The following WFS1 variants were observed in gnomAD, a reference collection of about 807,000 sequenced individuals.
WFS1 encodes the protein wolframin ER transmembrane glycoprotein.
WFS1 carries 90 observed loss-of-function variants against 68.5 expected under a neutral mutation model. The observed-to-expected ratio is 1.31, with a 90% CI of 1.11 to 1.56. The LOEUF (loss-of-function observed/expected upper bound fraction) is 1.56, where lower values mean the gene tolerates loss of function less well. Ranked by LOEUF, WFS1 falls within the 40% of genes most tolerant of loss-of-function variation. The pLI, the probability that WFS1 is intolerant of heterozygous loss-of-function variation, is 0.00. For synonymous variants in WFS1, 860 were observed against 540.7 expected (o/e 1.59, Z -8.19); for missense variants, 1,767 against 1,232.6 (o/e 1.43, Z -6.49).
rs752306040 is a variant in WFS1 at position 6,300,738 on chromosome 4, C to G, written c.943C>G (p.Leu315Val). 4.3e-6 allele frequency: 7 copies of G among 1,613,958 alleles called. No individual in the cohort carries two copies. Among genetic ancestry groups the G allele is most frequent in the East Asian group, 2.2e-5 (1 of 44,876 alleles). Reference protein sequence around the residue: ...DMASRAGMHWLSTIIPTHHIN... With the variant: ...DMASRAGMHWVSTIIPTHHIN... ...GGCCTCCAGGGCAGGCATGCACTGG[C>G]TGTCCACCATCATCCCCACGCACCA... The change falls in exon 8 of 8, where the codon CTG becomes GTG. Residue 315 changes from leucine (L) to valine (V), a missense_variant. Leu to Val is a conservative substitution (Grantham distance 32). Coordinates refer to ENST00000226760, the MANE Select transcript of WFS1 (RefSeq NM_006005.3).
Position 6,301,245 on chromosome 4 carries a change from C to T in WFS1, c.1450C>T (p.Leu484Phe), listed in dbSNP as rs1239328153. Reference sequence around the variant, plus strand: ...CTTGAATTGGCCCTACCTGAAGGTCCTTGGCCAGACCTTCATCACCGTGCC... The same window carrying T: ...CTTGAATTGGCCCTACCTGAAGGTCTTTGGCCAGACCTTCATCACCGTGCC... ...MPLNWPYLKVLGQTFITVPVG... is the reference protein window; with the variant it reads ...MPLNWPYLKVFGQTFITVPVG... Residue 484 changes from leucine to phenylalanine, a missense_variant, in exon 8 of 8, where the codon CTT (leucine) becomes TTT (phenylalanine). Coordinates refer to ENST00000226760, the MANE Select transcript of WFS1 (RefSeq NM_006005.3). 2 of 1,611,560 alleles carry T rather than the reference C, an allele frequency of 1.2e-6. No homozygotes were observed. The highest frequency in any genetic ancestry group is 2.2e-5 in the South Asian group (2 of 91,084).
At chr4:6,297,014 G>A (rs568642292) in intron 7 of WFS1, among the ~76,000 whole-genome samples, 1 of 152,240 alleles carries the variant, frequency 6.6e-6, no homozygotes, top group African/African-American at 2.4e-5. Flanking sequence ...ATTTTGTAGC[G>A]ATGGGGGTCT....
intron 6 of WFS1, among the ~76,000 whole-genome samples, chr4:6,293,718 G>C (rs1458303398): frequency 1.3e-5 from 2 of 152,186 alleles, no homozygotes; most frequent in Admixed American, 1.3e-4. Context: ...CCTGCCCAAG[G>C]TATTCATCCC....
In WFS1 at chr4:6,301,309, GCCTGCTCTATGTCTA is replaced by G. The variant is rs781262017; in HGVS notation, c.1525_1539del (p.Val509_Tyr513del). 1.5e-5 allele frequency: 24 copies of G among 1,611,424 alleles called. No homozygotes were observed. The highest frequency in any genetic ancestry group is 1.0e-4 in the Admixed American group (6 of 60,024). On this transcript the variant is annotated inframe_deletion, in exon 8 of 8. Transcript: ENST00000226760. ...GTCGTCCTCAACGTCAGCGTCCCGTGCCTGCTCTATGTCTACCTGCTCTATCTCTTCTTCCGCATG... is the reference window on the plus strand; with the variant it reads ...GTCGTCCTCAACGTCAGCGTCCCGTGCCTGCTCTATCTCTTCTTCCGCATG...
rs1368710970 is a variant in WFS1, at chr4:6,302,282, G to A, written c.2487G>A (p.Leu829=). ...QGSLIEFSTI[L]EGRLGSKWPV... ...GCCTCATCGAGTTCAGCACCATCCTGGAGGGCCGCCTGGGCAGCAAGTGGC... is the reference window on the plus strand; with the variant it reads ...GCCTCATCGAGTTCAGCACCATCCTAGAGGGCCGCCTGGGCAGCAAGTGGC... The change falls in exon 8 of 8, where the codon CTG becomes CTA. Residue 829 remains leucine (L), a synonymous_variant. Coordinates refer to ENST00000226760, the MANE Select transcript of WFS1 (RefSeq NM_006005.3). The A allele has an allele frequency of 6.2e-7, 1 of 1,605,830 alleles. No homozygotes were observed. The highest frequency in any genetic ancestry group is 2.2e-5 in the East Asian group (1 of 44,670).
Position 6,287,068 on chromosome 4 carries a change from T to A in WFS1, c.233-25T>A, listed in dbSNP as rs1186931287. On this transcript the variant is annotated intron_variant, in intron 2 of 7. Coordinates refer to ENST00000226760, the MANE Select transcript of WFS1 (RefSeq NM_006005.3). The surrounding 1 kb of genome is among the most constrained non-coding windows in gnomAD (Gnocchi z 6.4). Reference sequence around the variant, plus strand: ...TGACAAAGTCTGGCTTTGTGACATGTGTGTTTGTTTCTTCTGTGTTAAAGG... The same window carrying A: ...TGACAAAGTCTGGCTTTGTGACATGAGTGTTTGTTTCTTCTGTGTTAAAGG... 3.9e-6 allele frequency: 6 copies of A among 1,547,558 alleles called. No homozygotes were observed. Among genetic ancestry groups the A allele is most frequent in the Non-Finnish European group, 5.3e-6 (6 of 1,142,468 alleles).
Position 6,287,637 on chromosome 4 carries a change from G to A in WFS1, c.315+462G>A, listed in dbSNP as rs1730351294. On this transcript the variant is annotated intron_variant, in intron 3 of 7. Transcript: ENST00000226760. This position sits in a 1 kb window ranked among gnomAD's most constrained non-coding sequence, Gnocchi z 6.4. ...TGTGCCAGTGCTGGGGACATGATGT[G>A]GCCCTCTCTTCATGGGTGACAGGTT... Among the ~76,000 whole-genome samples the A allele has an allele frequency of 6.6e-6, 1 of 152,184 alleles. No homozygotes were observed. Among genetic ancestry groups the A allele is most frequent in the South Asian group, 2.1e-4 (1 of 4,836 alleles).
At chr4:6,295,787 A>C (rs1730624147) in intron 7 of WFS1, among the ~76,000 whole-genome samples, 1 of 152,230 alleles carries the variant, frequency 6.6e-6, no homozygotes, top group Non-Finnish European at 1.5e-5. Flanking sequence ...CGGGAAGCCC[A>C]GCAGTGCGGG....
intron 7 of WFS1, among the ~76,000 whole-genome samples, chr4:6,298,042 T>C (rs571374433): frequency 1.3e-5 from 2 of 152,342 alleles, no homozygotes; most frequent in East Asian, 1.9e-4. Flanking sequence ...GGCAAAAGAA[T>C]GTGCATGGCT....
chr4:6,299,073 T>C (rs1289766046), intron 7 of WFS1, among the ~76,000 whole-genome samples: 1 of 152,234 alleles, frequency 6.6e-6, no homozygotes, highest in Non-Finnish European at 1.5e-5. Context: ...GAACCTGCTT[T>C]GTATGCCACG....
chr4:6,282,356 C>T (rs1033289253), intron 2 of WFS1, among the ~76,000 whole-genome samples: 1 of 152,212 alleles, frequency 6.6e-6, no homozygotes, highest in Non-Finnish European at 1.5e-5. Flanking sequence ...GGGATGATGA[C>T]AGCACACAGC....
In WFS1 at chr4:6,301,717, C is replaced by A. The variant is rs376626985; in HGVS notation, c.1922C>A (p.Thr641Lys). The A allele has an allele frequency of 9.3e-6, 15 of 1,613,940 alleles. No individual in the cohort carries two copies. Among genetic ancestry groups the A allele is most frequent in the Non-Finnish European group, 1.3e-5 (15 of 1,180,052 alleles). The change falls in exon 8 of 8, where the codon ACG (threonine) becomes AAG (lysine). Residue 641 changes from threonine to lysine, a missense_variant. By Grantham distance (78) the Thr-to-Lys change is moderately conservative. Transcript: ENST00000226760. Reference sequence around the variant, plus strand: ...GTCAAGCTCATCCTGGTGTGGCTCACGGCCATCGTGCTGTTCTGCTGGTTC... The same window carrying A: ...GTCAAGCTCATCCTGGTGTGGCTCAAGGCCATCGTGCTGTTCTGCTGGTTC... ...SMVKLILVWLTAIVLFCWFYV... is the reference protein window; with the variant it reads ...SMVKLILVWLKAIVLFCWFYV...
chr4:6,293,788 G>A (rs1295260567), intron 6 of WFS1, among the ~76,000 whole-genome samples: 2 of 152,214 alleles, frequency 1.3e-5, no homozygotes, highest in East Asian at 1.9e-4. Flanking sequence ...CTGTGCTCTG[G>A]TAGGGAGATG....
intron 2 of WFS1, among the ~76,000 whole-genome samples, chr4:6,285,629 CCTT>C (rs1420857450): frequency 2.6e-5 from 4 of 152,232 alleles, no homozygotes; most frequent in African/African-American, 9.6e-5. Context: ...TGGGTGTGAC[CCTT>C]CCTCTCTGCC....
intron 2 of WFS1, among the ~76,000 whole-genome samples, chr4:6,282,628 G>A (rs1730201185): frequency 6.6e-6 from 1 of 152,216 alleles, no homozygotes; most frequent in Non-Finnish European, 1.5e-5. Context: ...TCAGTAATAT[G>A]AAAGTGGAAG....
chr4:6,288,732 G>A (rs1382069296), intron 3 of WFS1: 2 of 543,436 alleles, frequency 3.7e-6, no homozygotes, highest in East Asian at 3.4e-5. Context: ...ACCTGTACCA[G>A]TACCAGTCGG....
chr4:6,302,540 C>G lies in WFS1; in HGVS notation c.*72C>G. ...TTTCCCCAGTGTGGCCCCAGCCCGACAGGCATGCACCAGTGCCGCCTGTGC... is the reference window on the plus strand; with the variant it reads ...TTTCCCCAGTGTGGCCCCAGCCCGAGAGGCATGCACCAGTGCCGCCTGTGC... On this transcript the variant is annotated 3_prime_UTR_variant, in exon 8 of 8. Coordinates refer to ENST00000226760, the MANE Select transcript of WFS1 (RefSeq NM_006005.3). 1.3e-6 allele frequency: 2 copies of G among 1,596,602 alleles called. No individual in the cohort carries two copies. Among genetic ancestry groups the G allele is most frequent in the Non-Finnish European group, 1.7e-6 (2 of 1,174,882 alleles).
chr4:6,291,512 C>T, intron 5 of WFS1, 145 bp downstream of exon 5: 5 of 1,099,268 alleles, frequency 4.5e-6, no homozygotes, highest in South Asian at 4.1e-5. Context: ...GGACAGGGCC[C>T]TTCCTTGTGG....
At chr4:6,290,659 G>A (rs1234934499) in intron 4 of WFS1, among the ~76,000 whole-genome samples, 1 of 152,234 alleles carries the variant, frequency 6.6e-6, no homozygotes, top group Non-Finnish European at 1.5e-5. Context: ...GCCGTTGGGG[G>A]TAAAGGGAGG....
Sources: gnomAD v4.1 joint callset for allele counts (sites outside exome capture counted in the v4.1 genomes callset) on GRCh38, gnomAD v4.1.1 for gene constraint, Gnocchi (gnomAD v3.1) non-coding constraint, MANE v1.5 for transcripts, NCBI Gene and HGNC (gene_info 2026-07-23, HGNC 2026-07-21) for gene names.